The following EYS variants were observed in gnomAD, a reference collection of about 807,000 sequenced individuals.
EYS encodes the protein EGF-like photoreceptor maintenance factor, also known as protein eyes shut homolog.
EYS carries 250 observed loss-of-function variants against 282.1 expected under a neutral mutation model. The observed-to-expected ratio is 0.89, with a 90% confidence interval of 0.80 to 0.98. EYS has a LOEUF of 0.98. Ranked by LOEUF, EYS falls within the 50% of genes least tolerant of loss-of-function variation. EYS has a pLI of 0.00. For synonymous variants in EYS, 1,355 were observed against 1,282.9 expected (o/e 1.06, Z -1.20); for missense variants, 4,016 against 3,709.0 (o/e 1.08, Z -2.15).
At chr6:65,375,341 G>T (rs938842511) in intron 8 of EYS, among the ~76,000 whole-genome samples, 3 of 152,010 alleles carry the variant, frequency 2.0e-5, no homozygotes, top group African/African-American at 7.2e-5. Context: ...TAACATCAAA[G>T]TCAATAAAAA....
At chr6:65,484,968 A>G (rs1248943529) in intron 5 of EYS, among the ~76,000 whole-genome samples, 3 of 152,224 alleles carry the variant, frequency 2.0e-5, no homozygotes, top group Admixed American at 2.0e-4. Flanking sequence ...TAGAGACCAT[A>G]TGGATCAAGA....
intron 33 of EYS, among the ~76,000 whole-genome samples, chr6:63,999,770 T>G (rs1397910061): frequency 6.6e-6 from 1 of 152,198 alleles, no homozygotes; most frequent in African/African-American, 2.4e-5. Flanking sequence ...GTAGAATGAA[T>G]AGCAAAAATG....
At position 64,345,503 on chromosome 6, in the gene EYS, G is replaced by C. The variant is rs562427531; in HGVS notation, c.6079-38421C>G. Reference sequence around the variant, plus strand: ...TGGGAAAACTGGCTAGCCATATGTAGAAAGCTGAAACTGGATCCCTTCCTT... The same window carrying C: ...TGGGAAAACTGGCTAGCCATATGTACAAAGCTGAAACTGGATCCCTTCCTT... On this transcript the variant is annotated intron_variant, in intron 29 of 42. Coordinates refer to ENST00000503581, the MANE Select transcript of EYS (RefSeq NM_001142800.2). Among the ~76,000 whole-genome samples, 376 of 152,206 alleles carry C rather than the reference G, an allele frequency of 2.5e-3. 1 individual carries two copies. The highest frequency in any genetic ancestry group is 8.2e-3 in the African/African-American group (341 of 41,532).
chr6:64,894,486 T>C lies in EYS; in HGVS notation c.2846+7627A>G, dbSNP rs373259632. Among the ~76,000 whole-genome samples the C allele has an allele frequency of 7.3e-4, 111 of 152,302 alleles. 4 individuals are homozygous for C. The South Asian group carries it at 0.023, about 32-fold the overall frequency. Reference sequence around the variant, plus strand: ...AGTCTACTTACGGTGCTGCCTCATGTATATAGAATGAAATGTATAGTTCTG... The same window carrying C: ...AGTCTACTTACGGTGCTGCCTCATGCATATAGAATGAAATGTATAGTTCTG... On this transcript the variant is annotated intron_variant, in intron 18 of 42. Coordinates refer to ENST00000503581, the MANE Select transcript of EYS (RefSeq NM_001142800.2).
intron 22 of EYS, among the ~76,000 whole-genome samples, chr6:64,734,256 C>G (rs1330513751): frequency 6.6e-6 from 1 of 151,904 alleles, no homozygotes; most frequent in Non-Finnish European, 1.5e-5. Flanking sequence ...CACTTTGTAA[C>G]CTTTACTTCT....
At chr6:63,962,555 G>A (rs10806367) in intron 35 of EYS, among the ~76,000 whole-genome samples, 73,063 of 151,984 alleles carry the variant, frequency 0.48, 18,741 homozygotes, top group African/African-American at 0.68. Context: ...CAAAACCACA[G>A]TGAGATACCA....
chr6:65,643,252 C>A (rs745874281), intron 1 of EYS, among the ~76,000 whole-genome samples: 43 of 152,044 alleles, frequency 2.8e-4, no homozygotes, highest in Non-Finnish European at 5.7e-4. Flanking sequence ...GTGAGTCCTG[C>A]GACTGCTGAC....
At chr6:64,253,923 T>G (rs532658056) in intron 30 of EYS, among the ~76,000 whole-genome samples, 5 of 152,302 alleles carry the variant, frequency 3.3e-5, no homozygotes, top group African/African-American at 1.2e-4. Flanking sequence ...TATGAAGTTG[T>G]GATCTGCTTA....
chr6:65,641,768 T>G (rs1582554333), intron 1 of EYS, among the ~76,000 whole-genome samples: 1 of 152,342 alleles, frequency 6.6e-6, no homozygotes, highest in South Asian at 2.1e-4. Flanking sequence ...CTTTATATCC[T>G]TTTTTACATC....
intron 24 of EYS, among the ~76,000 whole-genome samples, chr6:64,603,740 A>G (rs146216653): frequency 1.3e-5 from 2 of 152,058 alleles, no homozygotes; most frequent in Non-Finnish European, 1.5e-5. Flanking sequence ...TGAAGAAGTA[A>G]GTGTGATCTA....
At chr6:64,510,006 C>G (rs1777333357) in intron 26 of EYS, among the ~76,000 whole-genome samples, 1 of 151,964 alleles carries the variant, frequency 6.6e-6, no homozygotes, top group South Asian at 2.1e-4. Context: ...TCCCAAATGC[C>G]ATAATGCATA....
At chr6:64,811,476 A>G (rs935551722) in intron 22 of EYS, among the ~76,000 whole-genome samples, 14 of 151,964 alleles carry the variant, frequency 9.2e-5, no homozygotes, top group Middle Eastern at 3.4e-3. Flanking sequence ...CCTAAAAGGA[A>G]TATTTATACA....
At chr6:63,859,776 T>C (rs904117977) in intron 36 of EYS, among the ~76,000 whole-genome samples, 3 of 152,184 alleles carry the variant, frequency 2.0e-5, no homozygotes, top group Non-Finnish European at 4.4e-5. Flanking sequence ...GCAGTGTTTG[T>C]TTGTCTCGGC....
At chr6:65,102,156 A>G (rs1048421944) in intron 12 of EYS, among the ~76,000 whole-genome samples, 1 of 151,376 alleles carries the variant, frequency 6.6e-6, no homozygotes, top group African/African-American at 2.4e-5. Context: ...TAGCAGTACA[A>G]TTAGACTTAA....
intron 22 of EYS, among the ~76,000 whole-genome samples, chr6:64,758,737 G>A (rs966680934): frequency 3.9e-5 from 6 of 152,150 alleles, no homozygotes; most frequent in African/African-American, 1.2e-4. Context: ...ATGGGAGATG[G>A]AGCTAAAGTC....
chr6:65,214,090 T>C (rs1412584053), intron 12 of EYS, among the ~76,000 whole-genome samples: 1 of 120,086 alleles, frequency 8.3e-6, no homozygotes, highest in Non-Finnish European at 1.6e-5. Context: ...ACCCGGGAGG[T>C]GGAGCTTGCA....
intron 2 of EYS, among the ~76,000 whole-genome samples, chr6:65,507,388 C>A (rs1464081981): frequency 6.6e-6 from 1 of 151,900 alleles, no homozygotes; most frequent in Admixed American, 6.6e-5. Flanking sequence ...TATGACATGC[C>A]TAGAGAAATT....
intron 7 of EYS, among the ~76,000 whole-genome samples, chr6:65,400,602 T>G (rs1766455216): frequency 6.6e-6 from 1 of 151,972 alleles, no homozygotes; most frequent in African/African-American, 2.4e-5. Context: ...GAAAATTAAT[T>G]TCTTTCTAAC....
chr6:64,863,211 T>C (rs757543623), intron 19 of EYS, among the ~76,000 whole-genome samples: 1 of 152,224 alleles, frequency 6.6e-6, no homozygotes, highest in Non-Finnish European at 1.5e-5. Context: ...CCATGCATTG[T>C]ACTATTACTT....
Sources: allele counts gnomAD v4.1 joint callset (sites outside exome capture counted in the v4.1 genomes callset), GRCh38; gene constraint gnomAD v4.1.1; transcripts MANE v1.5; gene names NCBI Gene and HGNC (gene_info 2026-07-23, HGNC 2026-07-21).